CRY1: variants seen among roughly 807,000 people sequenced by gnomAD.
CRY1 encodes cryptochrome-1.
Under a neutral mutation model 76.0 loss-of-function variants are expected in CRY1, and 45 were observed. That is an observed-to-expected ratio of 0.59 (90% CI 0.47 to 0.76). The LOEUF (loss-of-function observed/expected upper bound fraction) is 0.76. Among genes scored for constraint, CRY1 ranks in the 30% least tolerant of loss-of-function variants. The probability of loss-of-function intolerance (pLI) is 0.00; values close to 1 mark genes in which losing one functional copy is unlikely to be tolerated. For synonymous variants in CRY1, 248 were observed against 244.0 expected (o/e 1.02, Z -0.15); for missense variants, 587 against 716.4 (o/e 0.82, Z 2.06).
At chr12:107,077,142 C>A (rs1953265184) in intron 1 of CRY1, among the ~76,000 whole-genome samples, 1 of 151,802 alleles carries the variant, frequency 6.6e-6, no homozygotes, top group African/African-American at 2.4e-5. Flanking sequence ...ACACCCAGCA[C>A]TCCCCAACAC....
chr12:106,993,313 T>C (rs554195579), intron 10 of CRY1, among the ~76,000 whole-genome samples: 1 of 152,010 alleles, frequency 6.6e-6, no homozygotes, highest in Non-Finnish European at 1.5e-5. Flanking sequence ...AACTTGACCA[T>C]GAAGGTAAAA....
chr12:107,060,418 G>T (rs930452145), intron 1 of CRY1, among the ~76,000 whole-genome samples: 3 of 152,114 alleles, frequency 2.0e-5, no homozygotes, highest in Non-Finnish European at 2.9e-5. Context: ...GGGCAAGAAG[G>T]TCCTATCAAA....
intron 2 of CRY1, 58 bp downstream of exon 2, chr12:107,022,026 C>T (rs1189975785): frequency 2.4e-6 from 3 of 1,255,844 alleles, no homozygotes; most frequent in East Asian, 2.5e-5. Flanking sequence ...ACTTTATTTA[C>T]CAAATATGTA....
intron 2 of CRY1, 52 bp from the exon 3 acceptor site, chr12:107,005,300 T>G: frequency 6.6e-7 from 1 of 1,525,632 alleles, no homozygotes; most frequent in Non-Finnish European, 8.8e-7. Context: ...AGTTATTTTT[T>G]CTATTATAAC....
intron 1 of CRY1, among the ~76,000 whole-genome samples, chr12:107,040,885 T>C (rs1020570446): frequency 6.6e-6 from 1 of 151,636 alleles, no homozygotes; most frequent in Non-Finnish European, 1.5e-5. Context: ...AAGTGAGACA[T>C]ATCTCTTGAC....
intron 5 of CRY1, 112 bp downstream of exon 5, chr12:107,001,168 G>T: frequency 1.3e-6 from 1 of 759,498 alleles, no homozygotes; most frequent in Non-Finnish European, 2.1e-6. Flanking sequence ...AACCATTTCT[G>T]TTAATCCTCC....
At position 107,005,140 on chromosome 12, in the gene CRY1, CAAT is replaced by C. The variant is rs1952356964; in HGVS notation, c.373_375del (p.Ile125del). 1 of 1,612,436 alleles carries C rather than the reference CAAT, an allele frequency of 6.2e-7. No individual in the cohort carries two copies. The highest frequency in any genetic ancestry group is 8.5e-7 in the Non-Finnish European group (1 of 1,179,610). ...TCATATAATGTATGTGAAATTCTTACAATGACTTCTACTCCAGCTTCAGTTGCC... is the reference window on the plus strand; with the variant it reads ...TCATATAATGTATGTGAAATTCTTACGACTTCTACTCCAGCTTCAGTTGCC... On this transcript the variant is annotated inframe_deletion, in exon 3 of 13. Coordinates refer to ENST00000008527, the MANE Select transcript of CRY1 (RefSeq NM_004075.5).
chr12:107,084,337 T>G (rs185247703), intron 1 of CRY1, among the ~76,000 whole-genome samples: 301 of 152,160 alleles, frequency 2.0e-3, no homozygotes, highest in African/African-American at 6.7e-3. Flanking sequence ...CTACTTTAAA[T>G]TTCATATGGA....
chr12:107,088,396 G>A (rs1337096381), intron 1 of CRY1, among the ~76,000 whole-genome samples: 3 of 152,162 alleles, frequency 2.0e-5, no homozygotes, highest in Non-Finnish European at 4.4e-5. Flanking sequence ...CATGCTTCTA[G>A]TAAAGCCTGC....
intron 1 of CRY1, among the ~76,000 whole-genome samples, chr12:107,092,084 A>C (rs1296345287): frequency 6.6e-6 from 1 of 152,164 alleles, no homozygotes; most frequent in Non-Finnish European, 1.5e-5. Flanking sequence ...GGCACATGCT[A>C]AGTGATCAAG....
At chr12:107,010,076 T>C (rs1249213718) in intron 2 of CRY1, among the ~76,000 whole-genome samples, 1 of 152,150 alleles carries the variant, frequency 6.6e-6, no homozygotes, top group Admixed American at 6.5e-5. Context: ...TATAGGGCTA[T>C]TCAGGTTTTC....
chr12:107,060,079 T>G (rs74442796), intron 1 of CRY1, among the ~76,000 whole-genome samples: 21,095 of 152,118 alleles, frequency 0.14, 2,608 homozygotes, highest in African/African-American at 0.32. Context: ...TGATATTATA[T>G]GCGTTGATAT....
At chr12:107,078,351 A>C (rs1953283036) in intron 1 of CRY1, among the ~76,000 whole-genome samples, 1 of 152,042 alleles carries the variant, frequency 6.6e-6, no homozygotes, top group Non-Finnish European at 1.5e-5. Context: ...AATTTTTCCT[A>C]CATAATTGTC....
chr12:107,031,370 CTT>C (rs1190940981), intron 1 of CRY1, among the ~76,000 whole-genome samples: 55 of 134,704 alleles, frequency 4.1e-4, no homozygotes, highest in Admixed American at 3.0e-4. Flanking sequence ...AGACATAAAT[CTT>C]TTTTTTTTTT....
chr12:107,071,380 CATATTA>C (rs1953189135), intron 1 of CRY1, among the ~76,000 whole-genome samples: 1 of 152,154 alleles, frequency 6.6e-6, no homozygotes, highest in African/African-American at 2.4e-5. Flanking sequence ...AATATAATGA[CATATTA>C]ATATATTTCC....
intron 2 of CRY1, 76 bp downstream of exon 2, chr12:107,022,008 G>A: frequency 9.0e-7 from 1 of 1,116,816 alleles, no homozygotes; most frequent in South Asian, 1.5e-5. Context: ...TTTTCAATTA[G>A]TCAAAAAACT....
chr12:107,009,602 A>ATATATATATATATATATAT (rs1566245665), intron 2 of CRY1, among the ~76,000 whole-genome samples: 2 of 20,438 alleles, frequency 9.8e-5, no homozygotes, highest in African/African-American at 3.7e-4. Context: ...ATATATATAT[A>ATATATATATATATATATAT]AAATCTCTAT....
chr12:107,043,499 T>C (rs1952821120), intron 1 of CRY1, among the ~76,000 whole-genome samples: 1 of 152,130 alleles, frequency 6.6e-6, no homozygotes, highest in Non-Finnish European at 1.5e-5. Flanking sequence ...ATAGGTGCCT[T>C]GGCTGAGCCG....
intron 1 of CRY1, among the ~76,000 whole-genome samples, chr12:107,036,174 C>T (rs1003356376): frequency 1.3e-5 from 2 of 152,102 alleles, no homozygotes; most frequent in South Asian, 4.2e-4. Context: ...AATTCATTGG[C>T]CAGAAAGAGT....
Sources: gnomAD v4.1 joint callset for allele counts (sites outside exome capture counted in the v4.1 genomes callset) on GRCh38, gnomAD v4.1.1 for gene constraint, MANE v1.5 for transcripts, NCBI Gene and HGNC (gene_info 2026-07-23, HGNC 2026-07-21) for gene names.